DNAH6: variants seen among roughly 807,000 people sequenced by gnomAD.
DNAH6 encodes axonemal beta dynein heavy chain 6.
DNAH6 carries 340 observed loss-of-function variants against 491.4 expected under a neutral mutation model. The observed-to-expected ratio is 0.69, with a 90% CI of 0.63 to 0.76. The LOEUF (loss-of-function observed/expected upper bound fraction) is 0.76, where lower values mean the gene tolerates loss of function less well. Ranked by LOEUF, DNAH6 falls within the 30% of genes least tolerant of loss-of-function variation. DNAH6 has a pLI of 0.00. For missense variants in DNAH6, 4,443 were observed against 4,972.2 expected, an observed-to-expected ratio of 0.89 and a Z score of 3.20; for synonymous variants, 1,603 against 1,686.1, an observed-to-expected ratio of 0.95 and a Z score of 1.21.
rs184631417 is a variant in DNAH6 at position 84,705,021 on chromosome 2, G to A, written c.8466-465G>A. ...CTGTGGGCAGAAGGGACTGAGAATC[G>A]TTGAACATTTTTTATCTAATCAGAT... is the stretch of plus-strand genomic sequence containing the variant. On this transcript the variant is annotated intron_variant, in intron 51 of 76. Coordinates refer to ENST00000389394, the MANE Select transcript of DNAH6 (RefSeq NM_001370.2). Among the ~76,000 whole-genome samples the A allele has an allele frequency of 1.4e-4, 22 of 152,178 alleles. No individual in the cohort carries two copies. In the East Asian group the frequency reaches 1.7e-3, roughly 12 times the overall value.
chr2:84,746,270 A>G (rs1159341459), intron 63 of DNAH6, among the ~76,000 whole-genome samples: 1 of 152,208 alleles, frequency 6.6e-6, no homozygotes, highest in East Asian at 1.9e-4. Context: ...AATAAGACAT[A>G]ATAGAATAAG....
intron 61 of DNAH6, among the ~76,000 whole-genome samples, chr2:84,730,836 A>G (rs1699061457): frequency 6.6e-6 from 1 of 152,238 alleles, no homozygotes; most frequent in Non-Finnish European, 1.5e-5. Flanking sequence ...TAGAGATCAA[A>G]ATACAGCAAA....
intron 76 of DNAH6, 127 bp from the exon 77 acceptor site, chr2:84,819,178 T>TTA: frequency 5.0e-6 from 3 of 600,462 alleles, no homozygotes; most frequent in Non-Finnish European, 8.8e-6. Context: ...AAAGGACTAT[T>TTA]TGTCCAGCAT....
chr2:84,688,450 T>C lies in DNAH6; in HGVS notation c.7149T>C (p.Asp2383=). The C allele has an allele frequency of 6.6e-7, 1 of 1,524,084 alleles. No homozygotes were observed. The highest frequency in any genetic ancestry group is 1.3e-5 in the South Asian group (1 of 78,082). The allele number at this position is 1,524,084 out of a possible 1,614,324, so 94.4% of individuals were successfully genotyped here. A position where few individuals can be genotyped will look rare whatever the true frequency, so the allele number is the denominator to read the frequency against. ...IFGDFIKFGA[D]KADRIYDDMP... Reference sequence around the variant, plus strand: ...CCCATAAATTATAGTTTGGAGCAGATAAAGCTGATCGGATTTATGATGACA... The same window carrying C: ...CCCATAAATTATAGTTTGGAGCAGACAAAGCTGATCGGATTTATGATGACA... Residue 2383 remains aspartate, a synonymous_variant, in exon 45 of 77, where the codon GAT becomes GAC. Coordinates refer to ENST00000389394, the MANE Select transcript of DNAH6 (RefSeq NM_001370.2).
chr2:84,613,952 G>A (rs768131400), intron 22 of DNAH6, among the ~76,000 whole-genome samples: 17 of 151,764 alleles, frequency 1.1e-4, no homozygotes, highest in African/African-American at 4.1e-4. Flanking sequence ...AAATTATCTC[G>A]TTATTTTTCA....
chr2:84,584,560 C>A (rs1683350728), intron 15 of DNAH6: 1 of 233,298 alleles, frequency 4.3e-6, no homozygotes, highest in Admixed American at 5.2e-5. Context: ...TGAGCTGCTA[C>A]TTAAAAATTA....
chr2:84,629,748 A>G (rs1688227427), intron 29 of DNAH6, among the ~76,000 whole-genome samples: 1 of 152,134 alleles, frequency 6.6e-6, no homozygotes, highest in Non-Finnish European at 1.5e-5. Context: ...ACCTTTTCCT[A>G]CTGAAAGTAA....
chr2:84,692,093 G>C (rs1034166166), intron 45 of DNAH6, among the ~76,000 whole-genome samples: 1 of 152,208 alleles, frequency 6.6e-6, no homozygotes, highest in Admixed American at 6.5e-5. Flanking sequence ...TAGACTCCCT[G>C]TTGTATTCTT....
In DNAH6 at chr2:84,653,380, C is replaced by T; in HGVS notation, c.5140C>T (p.Gln1714Ter). ...QIPEHDYGIL[Q>*]STIVDVMNRQ... The stretch of plus-strand genomic sequence containing the variant: ...TCCAGAACATGATTATGGTATTTTA[C>T]AATCAACAATTGTGGATGTCATGAA... Residue 1714 changes from glutamine to a stop codon, truncating the protein, a stop_gained, in exon 34 of 77, where the codon CAA becomes TAA. Coordinates refer to ENST00000389394, the MANE Select transcript of DNAH6 (RefSeq NM_001370.2). LOFTEE classifies it high-confidence loss of function. The T allele has an allele frequency of 6.5e-7, 1 of 1,550,328 alleles. No homozygotes were observed. The highest frequency in any genetic ancestry group is 8.7e-7 in the Non-Finnish European group (1 of 1,146,198).
intron 21 of DNAH6, among the ~76,000 whole-genome samples, chr2:84,610,844 AAGGG>A (rs1686254704): frequency 6.6e-6 from 1 of 152,178 alleles, no homozygotes; most frequent in Non-Finnish European, 1.5e-5. Flanking sequence ...GAGCCCTGTG[AAGGG>A]AGGGACTACA....
intron 16 of DNAH6, among the ~76,000 whole-genome samples, chr2:84,589,221 C>A (rs1573123956): frequency 6.6e-6 from 1 of 152,252 alleles, no homozygotes; most frequent in Middle Eastern, 3.4e-3. Flanking sequence ...ACTGTACTTT[C>A]TATGTTAAAA....
chr2:84,595,552 T>G, intron 17 of DNAH6, 94 bp from the exon 18 acceptor site: 3 of 1,140,368 alleles, frequency 2.6e-6, no homozygotes, highest in Non-Finnish European at 3.6e-6. Flanking sequence ...ATAGTGTAGA[T>G]TTGGATTAAC....
chr2:84,733,770 T>C (rs1466559234), intron 62 of DNAH6, among the ~76,000 whole-genome samples, 191 bp downstream of exon 62: 1 of 151,878 alleles, frequency 6.6e-6, no homozygotes, highest in East Asian at 1.9e-4. Flanking sequence ...ATTTTTAATA[T>C]TTCATGTTTA....
chr2:84,586,424 A>G (rs1254683158), intron 15 of DNAH6, among the ~76,000 whole-genome samples: 1 of 152,244 alleles, frequency 6.6e-6, no homozygotes, highest in Non-Finnish European at 1.5e-5. Context: ...TTGAACTTCT[A>G]TTAATTAGAA....
At chr2:84,709,294 T>C in intron 54 of DNAH6, 49 bp from the exon 55 acceptor site, 1 of 1,541,968 alleles carries the variant, frequency 6.5e-7, no homozygotes, top group East Asian at 2.4e-5. Flanking sequence ...GTGCCCTCGT[T>C]TACTGAGTGT....
At chr2:84,602,797 G>GTT (rs70949898) in intron 18 of DNAH6, among the ~76,000 whole-genome samples, 2,879 of 121,688 alleles carry the variant, frequency 0.024, 146 homozygotes, top group African/African-American at 0.075. Context: ...TGGATGCTCT[G>GTT]TTTTTTTTTT....
chr2:84,671,746 C>T (rs1347243210), intron 39 of DNAH6, among the ~76,000 whole-genome samples: 1 of 152,180 alleles, frequency 6.6e-6, no homozygotes, highest in Non-Finnish European at 1.5e-5. Flanking sequence ...ACCACAAGGA[C>T]ATGGCTATTT....
chr2:84,459,685 G>C, the DNAH6 span: 1 of 181,318 alleles, frequency 5.5e-6, no homozygotes, highest in Non-Finnish European at 1.2e-5. Flanking sequence ...GGTGCGAAGA[G>C]CAGTGCCAGA....
the DNAH6 span, among the ~76,000 whole-genome samples, chr2:84,467,705 C>T: frequency 6.6e-6 from 1 of 152,210 alleles, no homozygotes; most frequent in East Asian, 1.9e-4. Context: ...AAACATCCCT[C>T]CTTTTAAACA....
Sources: allele counts gnomAD v4.1 joint callset (sites outside exome capture counted in the v4.1 genomes callset), GRCh38; gene constraint gnomAD v4.1.1; transcripts MANE v1.5; gene names NCBI Gene and HGNC (gene_info 2026-07-23, HGNC 2026-07-21).